CFAP54: variants seen among roughly 807,000 people sequenced by gnomAD.
CFAP54 encodes cilia and flagella associated protein 54.
CFAP54 carries 290 observed loss-of-function variants against 370.4 expected under a neutral mutation model. The observed-to-expected ratio is 0.78, with a 90% confidence interval of 0.71 to 0.86. CFAP54 has a LOEUF of 0.86. Among genes scored for constraint, CFAP54 ranks in the 40% least tolerant of loss-of-function variants. The pLI, the probability that CFAP54 is intolerant of heterozygous loss-of-function variation, is 0.00. For synonymous variants in CFAP54, 1,206 were observed against 1,236.5 expected, an observed-to-expected ratio of 0.98 and a Z score of 0.52; for missense variants, 3,399 against 3,528.7, an observed-to-expected ratio of 0.96 and a Z score of 0.93.
At chr12:96,828,982 A>G (rs1959158492) in intron 65 of CFAP54, 32 bp from the exon 66 acceptor site, 5 of 1,152,382 alleles carry the variant, frequency 4.3e-6, no homozygotes, top group South Asian at 1.5e-5. Flanking sequence ...AATAATATCA[A>G]CCTCACTGTA....
chr12:96,710,229 T>C (rs1048262770), intron 48 of CFAP54, among the ~76,000 whole-genome samples: 7 of 149,382 alleles, frequency 4.7e-5, no homozygotes, highest in African/African-American at 1.5e-4. Context: ...ACTGAAAAAA[T>C]AGTTACAGTT....
chr12:96,570,978 C>A (rs781653450), intron 19 of CFAP54, among the ~76,000 whole-genome samples: 2 of 152,114 alleles, frequency 1.3e-5, no homozygotes, highest in Non-Finnish European at 2.9e-5. Context: ...ATGACTTAAT[C>A]TACTTTTCAT....
At chr12:96,702,671 T>C (rs1357629283) in intron 46 of CFAP54, among the ~76,000 whole-genome samples, 1 of 152,256 alleles carries the variant, frequency 6.6e-6, no homozygotes, top group African/African-American at 2.4e-5. Flanking sequence ...CCCAGTAGAT[T>C]CTGATTTCAG....
chr12:96,714,409 A>G (rs1326097721), intron 48 of CFAP54, among the ~76,000 whole-genome samples: 1 of 152,314 alleles, frequency 6.6e-6, no homozygotes, highest in African/African-American at 2.4e-5. Flanking sequence ...TCATTAGTCT[A>G]TAGATGGTAT....
At chr12:96,760,637 A>G (rs558899495) in intron 58 of CFAP54, among the ~76,000 whole-genome samples, 3 of 152,156 alleles carry the variant, frequency 2.0e-5, no homozygotes, top group African/African-American at 7.2e-5. Context: ...GGTTCAAGCA[A>G]TTCTCCTGCC....
chr12:96,742,510 T>G lies in CFAP54; in HGVS notation c.7143T>G (p.Ile2381Met). ...TAAATGCCCGAGAATATTTCAACATTCATCTGTGGTTGAGGTGCCGCTTAG... is the reference window on the plus strand; with the variant it reads ...TAAATGCCCGAGAATATTTCAACATGCATCTGTGGTTGAGGTGCCGCTTAG... ...ISLNAREYFN[I>M]HLWLRCRLAL... Residue 2381 changes from isoleucine (I) to methionine (M), a missense_variant, in exon 52 of 68, where the codon ATT (isoleucine) becomes ATG (methionine). By Grantham distance (10) the Ile-to-Met change is conservative. Around this residue, in one of 3 missense-constraint regions of CFAP54, gnomAD observed 2,796 missense variants for 2,869.7 expected, o/e 0.97. Coordinates refer to ENST00000524981, the MANE Select transcript of CFAP54 (RefSeq NM_001306084.2). The G allele has an allele frequency of 9.3e-6, 15 of 1,612,922 alleles. No individual in the cohort carries two copies. Among genetic ancestry groups the G allele is most frequent in the Non-Finnish European group, 1.3e-5 (15 of 1,179,254 alleles).
At chr12:96,825,371 T>A (rs1321541402) in intron 65 of CFAP54, among the ~76,000 whole-genome samples, 1 of 119,908 alleles carries the variant, frequency 8.3e-6, no homozygotes, top group Admixed American at 1.0e-4. Context: ...ATATATTATG[T>A]AACATGTGTT....
At chr12:96,738,649 T>G (rs527297368) in intron 50 of CFAP54, among the ~76,000 whole-genome samples, 64 of 149,288 alleles carry the variant, frequency 4.3e-4, no homozygotes, top group African/African-American at 1.4e-3. Context: ...TCTCACTCTG[T>G]CGCCGGGCTG....
rs372498473 is a variant in CFAP54, at chr12:96,618,307, TGAG to T, written c.3640-3278_3640-3276del. On this transcript the variant is annotated intron_variant, in intron 26 of 67. Coordinates refer to ENST00000524981, the MANE Select transcript of CFAP54 (RefSeq NM_001306084.2). ...ATACTCCAAAACATTGAAATATTGATGAGGAGGGACCAGGAAAGGGAAAGGATG... is the reference window on the plus strand; with the variant it reads ...ATACTCCAAAACATTGAAATATTGATGAGGGACCAGGAAAGGGAAAGGATG... 3.3e-5 allele frequency among the ~76,000 whole-genome samples: 5 copies of T among 152,168 alleles called. No homozygotes were observed. The East Asian group carries it at 9.7e-4, about 29-fold the overall frequency.
chr12:96,699,294 C>G (rs561167631), intron 45 of CFAP54, among the ~76,000 whole-genome samples: 2 of 152,190 alleles, frequency 1.3e-5, no homozygotes, highest in South Asian at 2.1e-4. Context: ...GTTACTCAGG[C>G]GTGGAAAGTT....
At chr12:96,621,478 A>G in intron 26 of CFAP54, 112 bp from the exon 27 acceptor site, 2 of 678,372 alleles carry the variant, frequency 2.9e-6, no homozygotes, top group Non-Finnish European at 4.2e-6. Flanking sequence ...TAAAAGGGGG[A>G]TTCTTAGACT....
At chr12:96,664,729 A>ATATC (rs1565934316) in intron 39 of CFAP54, among the ~76,000 whole-genome samples, 1 of 13,294 alleles carries the variant, frequency 7.5e-5, no homozygotes, top group Non-Finnish European at 1.3e-4. Flanking sequence ...ATATATCTAT[A>ATATC]TATATATATC....
intron 65 of CFAP54, among the ~76,000 whole-genome samples, chr12:96,825,012 C>T (rs1959070303): frequency 6.6e-6 from 1 of 151,398 alleles, no homozygotes; most frequent in Admixed American, 6.6e-5. Context: ...TGAATGTCCC[C>T]TGTTCATTGC....
intron 13 of CFAP54, among the ~76,000 whole-genome samples, chr12:96,539,215 C>G (rs975689929): frequency 4.0e-5 from 6 of 151,500 alleles, no homozygotes; most frequent in Admixed American, 3.9e-4. Flanking sequence ...CATCCACCAC[C>G]ACGGCCGGCT....
At chr12:96,658,423 A>T (rs557449982) in intron 38 of CFAP54, 77 bp downstream of exon 38, 1 of 1,485,084 alleles carries the variant, frequency 6.7e-7, no homozygotes, top group South Asian at 1.2e-5. Flanking sequence ...AAGATTTAGA[A>T]GTCAGATAAA....
intron 46 of CFAP54, among the ~76,000 whole-genome samples, chr12:96,700,931 C>CTAT (rs894995631): frequency 4.9e-4 from 75 of 152,146 alleles, no homozygotes; most frequent in African/African-American, 1.8e-3. Context: ...GGAGAATGAG[C>CTAT]TATAAGTCTT....
intron 26 of CFAP54, among the ~76,000 whole-genome samples, chr12:96,600,074 C>T (rs2136442948): frequency 6.6e-6 from 1 of 152,224 alleles, no homozygotes; most frequent in South Asian, 2.1e-4. Flanking sequence ...AAGTCTTTGC[C>T]CATGCCTATG....
intron 27 of CFAP54, among the ~76,000 whole-genome samples, 159 bp downstream of exon 27, chr12:96,621,880 T>A (rs1163506978): frequency 2.0e-5 from 1 of 49,802 alleles, no homozygotes; most frequent in African/African-American, 6.7e-5. Context: ...GGTTTGTTTT[T>A]TTTTTTTTTT....
At chr12:96,627,017 G>A (rs1956556117) in intron 30 of CFAP54, 78 bp downstream of exon 30, 1 of 1,089,316 alleles carries the variant, frequency 9.2e-7, no homozygotes, top group Non-Finnish European at 1.2e-6. Flanking sequence ...GAAATATAAG[G>A]TAGACGAAAA....
Sources: gnomAD v4.1 joint callset for allele counts (sites outside exome capture counted in the v4.1 genomes callset) on GRCh38, gnomAD v4.1.1 for gene constraint, gnomAD v4.1.1 regional missense constraint, MANE v1.5 for transcripts, NCBI Gene and HGNC (gene_info 2026-07-23, HGNC 2026-07-21) for gene names.